Variants in KIF1B observed in about 807,000 individuals in gnomAD.
KIF1B encodes the protein kinesin family member 1B.
In KIF1B, 76 loss-of-function variants were observed where a neutral mutation model predicts 241.9. The observed-to-expected ratio is 0.31, with a 90% CI of 0.26 to 0.38. The LOEUF (loss-of-function observed/expected upper bound fraction) is 0.38. KIF1B is among the 10% of genes least tolerant of loss of function. KIF1B has a pLI of 1.00. For missense variants in KIF1B, 1,622 were observed against 2,271.4 expected, an observed-to-expected ratio of 0.71 and a Z score of 5.81; for synonymous variants, 750 against 796.7, an observed-to-expected ratio of 0.94 and a Z score of 0.99.
chr1:10,233,893 C>T (rs932552594), intron 2 of KIF1B, among the ~76,000 whole-genome samples: 3 of 151,898 alleles, frequency 2.0e-5, no homozygotes, highest in African/African-American at 7.3e-5. Flanking sequence ...CCACCCGCCT[C>T]GGCCTCGCAA....
At chr1:10,372,878 A>G (rs971045370) in intron 45 of KIF1B, among the ~76,000 whole-genome samples, 1 of 151,074 alleles carries the variant, frequency 6.6e-6, no homozygotes, top group East Asian at 2.0e-4. Context: ...TAGTGGTGCA[A>G]TCTTGGCTCA....
chr1:10,353,064 C>T (rs573674289), intron 38 of KIF1B, among the ~76,000 whole-genome samples: 1 of 152,238 alleles, frequency 6.6e-6, no homozygotes, highest in South Asian at 2.1e-4. Context: ...TTTAAAAGTA[C>T]GAATTAATTA....
chr1:10,305,344 A>G (rs565822097), intron 22 of KIF1B: 100 of 1,049,354 alleles, frequency 9.5e-5, no homozygotes, highest in Non-Finnish European at 1.1e-4. Flanking sequence ...ATCAGAATCT[A>G]TAAATTGGCA....
In KIF1B at chr1:10,258,678, A is replaced by C. The variant is rs114084418; in HGVS notation, c.363+6A>C. 3.7e-3 allele frequency: 5,919 copies of C among 1,612,624 alleles called. 127 individuals carry two copies. In the African/African-American group the frequency reaches 0.058, roughly 16 times the overall value. ...AGGCTGGCATCATTCCACAGGTGAA[A>C]AACAAAACAAAACAAAAATCTTCTC... On this transcript the variant is annotated splice_donor_region_variant and intron_variant, in intron 4 of 48. Coordinates refer to ENST00000676179, the MANE Select transcript of KIF1B (RefSeq NM_001365951.3).
rs747128270 is a variant in KIF1B, at chr1:10,365,787, G to A, written c.4752+139G>A. 9.6e-6 allele frequency: 12 copies of A among 1,253,280 alleles called. No homozygotes were observed. The highest frequency in any genetic ancestry group is 2.4e-5 in the East Asian group (1 of 42,080). 77.6% of individuals were successfully genotyped at this position (1,253,280 alleles called of 1,614,324 possible). Reference sequence around the variant, plus strand: ...ACTGTGAATGTAGAAATAAAAAGACGCAGTTCCTACCCTCAACAAGCTTAC... The same window carrying A: ...ACTGTGAATGTAGAAATAAAAAGACACAGTTCCTACCCTCAACAAGCTTAC... On this transcript the variant is annotated intron_variant, in intron 43 of 48. Transcript: ENST00000676179. The surrounding 1 kb of genome is among the most constrained non-coding windows in gnomAD (Gnocchi z 4.0).
At chr1:10,299,903 T>G (rs1318705062) in intron 22 of KIF1B, among the ~76,000 whole-genome samples, 1 of 152,188 alleles carries the variant, frequency 6.6e-6, no homozygotes, top group Non-Finnish European at 1.5e-5. Context: ...TGACCAGACC[T>G]CAGTAGCTTT....
At chr1:10,251,780 G>A (rs1157143471) in intron 2 of KIF1B, among the ~76,000 whole-genome samples, 3 of 151,852 alleles carry the variant, frequency 2.0e-5, no homozygotes, top group African/African-American at 7.3e-5. Context: ...CTGTCTTATG[G>A]TGCAGAGGCT....
chr1:10,295,565 C>T (rs1237919515), intron 18 of KIF1B, 95 bp from the exon 19 acceptor site: 13 of 1,127,486 alleles, frequency 1.2e-5, no homozygotes, highest in East Asian at 4.7e-5. Context: ...CTTTTTTGTA[C>T]GTACCAAAGG....
chr1:10,217,640 G>C (rs188581822), intron 1 of KIF1B, among the ~76,000 whole-genome samples: 15 of 151,956 alleles, frequency 9.9e-5, no homozygotes, highest in Non-Finnish European at 1.5e-5. Flanking sequence ...CTTCTGCCTG[G>C]AATACTTTTC....
At chr1:10,241,320 T>A (rs1301640532) in intron 2 of KIF1B, among the ~76,000 whole-genome samples, 1 of 152,036 alleles carries the variant, frequency 6.6e-6, no homozygotes, top group East Asian at 1.9e-4. Flanking sequence ...CCCAGGCTGG[T>A]CTTGAACTCC....
At chr1:10,258,400 T>C (rs575796344) in intron 3 of KIF1B, 93 bp from the exon 4 acceptor site, 177 of 1,348,306 alleles carry the variant, frequency 1.3e-4, no homozygotes, top group Non-Finnish European at 1.6e-4. Context: ...GTGACTGTTC[T>C]GATTCCAGAC....
chr1:10,256,520 A>G (rs1183271277), intron 3 of KIF1B, among the ~76,000 whole-genome samples, 197 bp downstream of exon 3: 1 of 152,132 alleles, frequency 6.6e-6, no homozygotes, highest in Non-Finnish European at 1.5e-5. Context: ...ATGTACACAT[A>G]TACATAAATA....
At chr1:10,215,367 G>C (rs1190547246) in intron 1 of KIF1B, among the ~76,000 whole-genome samples, 1 of 150,474 alleles carries the variant, frequency 6.6e-6, no homozygotes, top group South Asian at 2.1e-4. Flanking sequence ...GTAAAGTAGG[G>C]GTTTCTCCAT....
intron 4 of KIF1B, among the ~76,000 whole-genome samples, chr1:10,260,892 A>G (rs1041919755): frequency 6.6e-6 from 1 of 151,358 alleles, no homozygotes; most frequent in Non-Finnish European, 1.5e-5. Context: ...GAAACCACAC[A>G]CACACTTTGT....
At chr1:10,249,878 G>C (rs1489717254) in intron 2 of KIF1B, among the ~76,000 whole-genome samples, 1 of 152,192 alleles carries the variant, frequency 6.6e-6, no homozygotes, top group African/African-American at 2.4e-5. Context: ...CTCCAGCCTA[G>C]GGCGACAGAG....
chr1:10,250,488 AC>A (rs2102169435), intron 2 of KIF1B, among the ~76,000 whole-genome samples: 1 of 152,056 alleles, frequency 6.6e-6, no homozygotes, highest in Non-Finnish European at 1.5e-5. Flanking sequence ...ACAGGTGCCC[AC>A]CACCACGCCC....
intron 2 of KIF1B, among the ~76,000 whole-genome samples, chr1:10,251,327 CTTTCT>C (rs894847930): frequency 5.3e-5 from 6 of 112,552 alleles, no homozygotes; most frequent in Admixed American, 8.9e-5. Flanking sequence ...GTAGTTTTTC[CTTTCT>C]TTTTTTTTTT....
chr1:10,279,084 T>C lies in KIF1B; in HGVS notation c.1181-13T>C. On this transcript the variant is annotated splice_polypyrimidine_tract_variant and intron_variant, in intron 13 of 48. Coordinates refer to ENST00000676179, the MANE Select transcript of KIF1B (RefSeq NM_001365951.3). ...TTGACCCTTCTCGTATTTTCCCTCC[T>C]GCTTACCTTCAGTTGATCCATTGAT... 1 of 1,544,180 alleles carries C rather than the reference T, an allele frequency of 6.5e-7. No homozygotes were observed. The highest frequency in any genetic ancestry group is 8.8e-7 in the Non-Finnish European group (1 of 1,141,172).
At chr1:10,248,882 C>T (rs1386663746) in intron 2 of KIF1B, among the ~76,000 whole-genome samples, 1 of 152,140 alleles carries the variant, frequency 6.6e-6, no homozygotes, top group Non-Finnish European at 1.5e-5. Context: ...CTGGAGTATG[C>T]TGTGTGTCCA....
Sources: gnomAD v4.1 joint callset for allele counts (sites outside exome capture counted in the v4.1 genomes callset) on GRCh38, gnomAD v4.1.1 for gene constraint, Gnocchi (gnomAD v3.1) non-coding constraint, MANE v1.5 for transcripts, NCBI Gene and HGNC (gene_info 2026-07-23, HGNC 2026-07-21) for gene names.